URI1: variants seen among roughly 807,000 people sequenced by gnomAD.
URI1 encodes the protein unconventional prefoldin RPB5 interactor 1.
URI1 carries 39 observed loss-of-function variants against 60.2 expected under a neutral mutation model. That is an observed-to-expected ratio of 0.65 (90% confidence interval 0.50 to 0.85). The LOEUF (loss-of-function observed/expected upper bound fraction) is 0.85. URI1 is among the 40% of genes least tolerant of loss of function. The probability of loss-of-function intolerance (pLI) is 0.00; values close to 1 mark genes in which losing one functional copy is unlikely to be tolerated. For synonymous variants in URI1, 251 were observed against 236.8 expected, an observed-to-expected ratio of 1.06 and a Z score of -0.55; for missense variants, 691 against 665.9, an observed-to-expected ratio of 1.04 and a Z score of -0.42.
At chr19:29,969,773 A>G (rs903869986) in intron 1 of URI1, among the ~76,000 whole-genome samples, 7 of 152,164 alleles carry the variant, frequency 4.6e-5, no homozygotes, top group African/African-American at 1.7e-4. Flanking sequence ...TTCCTTTTTC[A>G]ATTTACATTT....
chr19:29,943,155 G>C (rs1362956871), intron 1 of URI1, among the ~76,000 whole-genome samples: 1 of 151,638 alleles, frequency 6.6e-6, no homozygotes, highest in Admixed American at 6.6e-5. Flanking sequence ...ATGTTGCCCA[G>C]GCTAATCTCG....
At chr19:29,944,104 A>C (rs911203691) in intron 1 of URI1, among the ~76,000 whole-genome samples, 1 of 124,142 alleles carries the variant, frequency 8.1e-6, no homozygotes, top group Non-Finnish European at 1.7e-5. Flanking sequence ...ATGCAACTGC[A>C]CTTCACCCTG....
chr19:29,987,034 C>T (rs2055680366), intron 4 of URI1, among the ~76,000 whole-genome samples: 2 of 152,004 alleles, frequency 1.3e-5, no homozygotes, highest in South Asian at 4.2e-4. Context: ...TGTATAGAAG[C>T]CTACATACAC....
At position 30,015,686 on chromosome 19, in the gene URI1, CT is replaced by C; in HGVS notation, c.*620del. 9.0e-7 allele frequency: 1 copy of C among 1,115,956 alleles called. No homozygotes were observed. The highest frequency in any genetic ancestry group is 1.3e-6 in the Non-Finnish European group (1 of 794,186). The allele number at this position is 1,115,956 out of a possible 1,614,324, so 69.1% of individuals were successfully genotyped here. A position where few individuals can be genotyped will look rare whatever the true frequency, so the allele number is the denominator to read the frequency against. On this transcript the variant is annotated 3_prime_UTR_variant, in exon 11 of 11. Transcript: ENST00000392271. ...TAAAACTTTTTTTTCCAAGTAAAAA[CT>C]TTATGAAACTTGGTCTCAAAAATGT...
In URI1 at chr19:29,992,145, C is replaced by G. The variant is rs149473524; in HGVS notation, c.367+5728C>G. On this transcript the variant is annotated intron_variant, in intron 4 of 10. Coordinates refer to ENST00000392271, the MANE Select transcript of URI1 (RefSeq NM_003796.3). ...AGTGCAGTGGCCTGATCTTGACTCA[C>G]TGCAACCTCCACCTCCCAAGTTCAA... Among the ~76,000 whole-genome samples, 532 of 152,336 alleles carry G rather than the reference C, an allele frequency of 3.5e-3. 5 individuals are homozygous for G. The highest frequency in any genetic ancestry group is 0.012 in the African/African-American group (517 of 41,578).
At chr19:29,955,699 C>T (rs550977744) in intron 1 of URI1, among the ~76,000 whole-genome samples, 16 of 151,544 alleles carry the variant, frequency 1.1e-4, no homozygotes, top group Admixed American at 3.9e-4. Context: ...AAGTGATTCT[C>T]CTGCCTCAGC....
intron 10 of URI1, among the ~76,000 whole-genome samples, chr19:30,013,762 A>G (rs953803581): frequency 9.2e-5 from 14 of 152,108 alleles, no homozygotes. Context: ...TTTCAAAGGC[A>G]TTTTAAATAG....
chr19:29,954,352 A>C (rs188290197), intron 1 of URI1, among the ~76,000 whole-genome samples: 92 of 152,274 alleles, frequency 6.0e-4, no homozygotes, highest in Non-Finnish European at 9.9e-4. Context: ...ATTTATATTG[A>C]ATCTTAGTAT....
Position 29,942,389 on chromosome 19 carries a change from G to T in URI1, c.-159G>T. On this transcript the variant is annotated 5_prime_UTR_variant, in exon 1 of 11. Transcript: ENST00000392271. ...TGTGAGATGCGGCAGCGGGCGGCGC[G>T]GACGCGAACAGCAGCGGCGGCGGCG... 1.0e-6 allele frequency: 1 copy of T among 983,644 alleles called. No individual in the cohort carries two copies. The highest frequency in any genetic ancestry group is 4.5e-5 in the South Asian group (1 of 22,124). The allele number at this position is 983,644 out of a possible 1,614,324, so 60.9% of individuals were successfully genotyped here.
At position 30,015,043 on chromosome 19, in the gene URI1, G is replaced by C. The variant is rs746031732; in HGVS notation, c.1582G>C (p.Ala528Pro). The change falls in exon 11 of 11, where the codon GCT becomes CCT. Residue 528 changes from alanine (A) to proline (P), a missense_variant. Ala to Pro is a conservative substitution (Grantham distance 27). Transcript: ENST00000392271. ...ETGKRVSKFK[A>P]ARLQQKD is the part of the protein sequence containing the mutation. ...TGGAAAGAGGGTTTCAAAGTTTAAA[G>C]CTGCCAGATTGCAACAGAAAGACTA... 6.2e-7 allele frequency: 1 copy of C among 1,613,514 alleles called. No homozygotes were observed. The highest frequency in any genetic ancestry group is 1.1e-5 in the South Asian group (1 of 91,016).
intron 1 of URI1, among the ~76,000 whole-genome samples, chr19:29,944,280 C>A (rs1180334846): frequency 6.8e-6 from 1 of 146,142 alleles, no homozygotes; most frequent in African/African-American, 2.5e-5. Context: ...AAAGAAAAAA[C>A]AGCCCCTCAT....
In URI1 at chr19:30,015,284, T is replaced by C. The variant is rs1217092453; in HGVS notation, c.*215T>C. The C allele has an allele frequency of 3.1e-5, 44 of 1,418,026 alleles. No individual in the cohort carries two copies. Among genetic ancestry groups the C allele is most frequent in the Admixed American group, 5.9e-5 (2 of 33,754 alleles). 87.8% of individuals were successfully genotyped at this position (1,418,026 alleles called of 1,614,324 possible). Reference sequence around the variant, plus strand: ...CTTGTTTTGTGAATTCTCTGAATACTGTCAACACTCTTATCTAAGTTTGCC... The same window carrying C: ...CTTGTTTTGTGAATTCTCTGAATACCGTCAACACTCTTATCTAAGTTTGCC... On this transcript the variant is annotated 3_prime_UTR_variant, in exon 11 of 11. Coordinates refer to ENST00000392271, the MANE Select transcript of URI1 (RefSeq NM_003796.3).
intron 1 of URI1, among the ~76,000 whole-genome samples, chr19:29,933,158 T>C (rs1391029786): frequency 6.6e-6 from 1 of 152,242 alleles, no homozygotes; most frequent in Non-Finnish European, 1.5e-5. Flanking sequence ...GAATGTGTTC[T>C]TTCCTCTTCA....
At chr19:29,959,883 C>T (rs2055300482) in intron 1 of URI1, among the ~76,000 whole-genome samples, 1 of 151,836 alleles carries the variant, frequency 6.6e-6, no homozygotes, top group Admixed American at 6.6e-5. Context: ...TTTTCCTTTG[C>T]CTGTAATTTT....
At chr19:29,952,756 C>A (rs766906427) in intron 1 of URI1, among the ~76,000 whole-genome samples, 3 of 152,150 alleles carry the variant, frequency 2.0e-5, no homozygotes, top group Non-Finnish European at 4.4e-5. Context: ...TGTGTGTATA[C>A]TTTTCAGTGA....
intron 4 of URI1, among the ~76,000 whole-genome samples, chr19:30,002,889 G>T (rs2055895559): frequency 6.6e-6 from 1 of 151,836 alleles, no homozygotes; most frequent in Non-Finnish European, 1.5e-5. Context: ...TAATTTCAGT[G>T]TGGTTTGAAA....
intron 4 of URI1, among the ~76,000 whole-genome samples, chr19:30,004,025 G>C (rs1400281593): frequency 6.6e-6 from 1 of 152,002 alleles, no homozygotes; most frequent in Non-Finnish European, 1.5e-5. Context: ...CTGTCAAACA[G>C]CTCCTTGAGT....
chr19:29,927,490 G>A (rs1461582035), intron 1 of URI1, among the ~76,000 whole-genome samples: 1 of 148,746 alleles, frequency 6.7e-6, no homozygotes, highest in Non-Finnish European at 1.5e-5. Flanking sequence ...TTGAACTCCT[G>A]ACCTCAGGTG....
chr19:29,955,137 T>TA (rs1018045518), intron 1 of URI1, among the ~76,000 whole-genome samples: 2 of 151,066 alleles, frequency 1.3e-5, no homozygotes, highest in East Asian at 3.9e-4. Context: ...TTTTTTTTTT[T>TA]AATTTTTTAG....
Sources: gnomAD v4.1 joint callset for allele counts (sites outside exome capture counted in the v4.1 genomes callset) on GRCh38, gnomAD v4.1.1 for gene constraint, MANE v1.5 for transcripts, NCBI Gene and HGNC (gene_info 2026-07-23, HGNC 2026-07-21) for gene names.